MSRA: variants seen among roughly 807,000 people sequenced by gnomAD.
The protein encoded by MSRA is methionine sulfoxide reductase A.
A neutral mutation model predicts 31.3 loss-of-function variants in MSRA; 54 were observed. That is an observed-to-expected ratio of 1.73 (90% confidence interval 1.39 to 2.17). MSRA has a LOEUF of 2.17. Among genes scored for constraint, MSRA ranks in the 30% most tolerant of loss-of-function variants. The probability of loss-of-function intolerance (pLI) is 0.00; values close to 1 mark genes in which losing one functional copy is unlikely to be tolerated. For missense variants in MSRA, 507 were observed against 300.9 expected (o/e 1.69, Z -5.07); for synonymous variants, 169 against 116.5 (o/e 1.45, Z -2.90).
chr8:10,405,338 G>A (rs1807738347), intron 5 of MSRA, among the ~76,000 whole-genome samples: 1 of 152,080 alleles, frequency 6.6e-6, no homozygotes, highest in Non-Finnish European at 1.5e-5. Context: ...CTCCATGTTT[G>A]GGCAGCTCAT....
chr8:10,376,423 G>C (rs1359468726), intron 5 of MSRA, among the ~76,000 whole-genome samples: 1 of 152,202 alleles, frequency 6.6e-6, no homozygotes, highest in Non-Finnish European at 1.5e-5. Flanking sequence ...AGCATCTTAA[G>C]GTCATGGGCT....
intron 5 of MSRA, among the ~76,000 whole-genome samples, chr8:10,412,122 A>G (rs567347678): frequency 4.6e-5 from 7 of 152,368 alleles, no homozygotes; most frequent in South Asian, 2.1e-4. Context: ...TTCGCCATTC[A>G]TAAAGAAGGG....
At chr8:10,214,566 A>ACTG (rs3061510) in intron 2 of MSRA, among the ~76,000 whole-genome samples, 3 of 152,018 alleles carry the variant, frequency 2.0e-5, no homozygotes, top group Non-Finnish European at 4.4e-5. Flanking sequence ...ATCTTGACTG[A>ACTG]AAACTACTGA....
intron 1 of MSRA, among the ~76,000 whole-genome samples, chr8:10,141,882 C>G (rs1207148562): frequency 6.6e-6 from 1 of 152,204 alleles, no homozygotes; most frequent in Non-Finnish European, 1.5e-5. Flanking sequence ...GTAGTAGGCA[C>G]TCAGTCAATG....
At chr8:10,241,100 T>A (rs568441833) in intron 2 of MSRA, among the ~76,000 whole-genome samples, 13 of 152,260 alleles carry the variant, frequency 8.5e-5, no homozygotes, top group South Asian at 2.1e-4. Flanking sequence ...GACTTACCTT[T>A]TGATGGGAAA....
intron 5 of MSRA, among the ~76,000 whole-genome samples, chr8:10,391,414 C>A (rs931835034): frequency 6.6e-6 from 1 of 152,186 alleles, no homozygotes; most frequent in Non-Finnish European, 1.5e-5. Context: ...TATGAAATGT[C>A]TAGCACACTG....
chr8:10,353,615 G>T (rs1804330972), intron 5 of MSRA: 2 of 456,206 alleles, frequency 4.4e-6, no homozygotes, highest in Non-Finnish European at 8.8e-6. Context: ...TTTTCCTTTA[G>T]GTACCCAAGC....
chr8:10,100,676 G>T (rs993632933), intron 1 of MSRA, among the ~76,000 whole-genome samples: 29 of 152,102 alleles, frequency 1.9e-4, no homozygotes, highest in African/African-American at 6.5e-4. Context: ...CTGAATAATT[G>T]TACCACCTCT....
intron 5 of MSRA, among the ~76,000 whole-genome samples, chr8:10,364,858 A>G (rs948065270): frequency 2.0e-5 from 3 of 152,124 alleles, no homozygotes; most frequent in Non-Finnish European, 4.4e-5. Flanking sequence ...GGAGTTGTCA[A>G]TTTCATGTGC....
chr8:10,118,253 G>T (rs2129016641), intron 1 of MSRA, among the ~76,000 whole-genome samples: 1 of 152,250 alleles, frequency 6.6e-6, no homozygotes, highest in African/African-American at 2.4e-5. Context: ...TTGTAGGAGA[G>T]ACTTGATAAT....
intron 5 of MSRA, among the ~76,000 whole-genome samples, chr8:10,427,855 C>A (rs537328474): frequency 6.6e-6 from 1 of 152,322 alleles, no homozygotes; most frequent in African/African-American, 2.4e-5. Flanking sequence ...GCGTCCAAAC[C>A]AGGGCCCCCA....
Position 10,079,123 on chromosome 8 carries a change from G to C in MSRA, c.142+24465G>C, listed in dbSNP as rs187132165. 3.1e-3 allele frequency among the ~76,000 whole-genome samples: 471 copies of C among 152,244 alleles called. 5 individuals are homozygous for C. The South Asian group carries it at 0.037, about 12-fold the overall frequency. On this transcript the variant is annotated intron_variant, in intron 1 of 5. Coordinates refer to ENST00000317173, the MANE Select transcript of MSRA (RefSeq NM_012331.5). The stretch of plus-strand genomic sequence containing the variant: ...GCAGGCTCATAGGTGTCAAGAACCA[G>C]GTGAGAGATAGCACCTGGCTCAGCA...
intron 1 of MSRA, among the ~76,000 whole-genome samples, chr8:10,143,739 T>C (rs1802901137): frequency 6.6e-6 from 1 of 152,194 alleles, no homozygotes; most frequent in South Asian, 2.1e-4. Context: ...AATCACCCTG[T>C]GCCCATGGGA....
chr8:10,061,642 C>T (rs1022237623), intron 1 of MSRA, among the ~76,000 whole-genome samples: 6 of 151,942 alleles, frequency 3.9e-5, no homozygotes, highest in South Asian at 2.1e-4. Context: ...GTTTTATGAA[C>T]GTTGGGAAGA....
intron 5 of MSRA, among the ~76,000 whole-genome samples, chr8:10,379,502 G>A (rs1045126738): frequency 3.9e-5 from 6 of 152,134 alleles, no homozygotes; most frequent in African/African-American, 7.2e-5. Context: ...CAGGCCCTCC[G>A]TCTGGTCATT....
chr8:10,125,205 C>T (rs1292543797), intron 1 of MSRA, among the ~76,000 whole-genome samples: 1 of 152,200 alleles, frequency 6.6e-6, no homozygotes, highest in Non-Finnish European at 1.5e-5. Flanking sequence ...TAGGGGACAA[C>T]TTTCTGGCTA....
chr8:10,218,525 A>T (rs1810204959), intron 2 of MSRA, among the ~76,000 whole-genome samples: 1 of 152,202 alleles, frequency 6.6e-6, no homozygotes, highest in African/African-American at 2.4e-5. Context: ...AAACTGCAAG[A>T]TATTCTAATT....
intron 1 of MSRA, among the ~76,000 whole-genome samples, chr8:10,091,754 G>A (rs1273872319): frequency 3.9e-5 from 6 of 151,942 alleles, no homozygotes; most frequent in South Asian, 2.1e-4. Context: ...TTAAAGATGC[G>A]TGCCACCACA....
chr8:10,165,998 G>C lies in MSRA; in HGVS notation c.143-41835G>C, dbSNP rs62488741. ...TTGGCAGTGATTCCAGAGTCTGGGC[G>C]TAAAACATCTGTGTCCAGTGCACAA... On this transcript the variant is annotated intron_variant, in intron 1 of 5. Transcript: ENST00000317173. Among the ~76,000 whole-genome samples the C allele has an allele frequency of 7.3e-3, 1,108 of 152,276 alleles. 21 individuals are homozygous for C. The highest frequency in any genetic ancestry group is 0.025 in the African/African-American group (1,055 of 41,544).
Sources: gnomAD v4.1 joint callset for allele counts (sites outside exome capture counted in the v4.1 genomes callset) on GRCh38, gnomAD v4.1.1 for gene constraint, MANE v1.5 for transcripts, NCBI Gene and HGNC (gene_info 2026-07-23, HGNC 2026-07-21) for gene names.